The following ZNF618 variants were observed in gnomAD, a reference collection of about 807,000 sequenced individuals.
ZNF618 encodes neural precursor cell expressed, developmentally down-regulated 10.
In ZNF618, 34 loss-of-function variants were observed where a neutral mutation model predicts 103.0. The ratio of observed to expected loss-of-function variants is 0.33; its 90% CI spans 0.25 to 0.44. The LOEUF (loss-of-function observed/expected upper bound fraction) is 0.44, where lower values mean the gene tolerates loss of function less well. Among genes scored for constraint, ZNF618 ranks in the 20% least tolerant of loss-of-function variants. The pLI is 1.00. For missense variants in ZNF618, 1,059 were observed against 1,295.4 expected (o/e 0.82, Z 2.80); for synonymous variants, 551 against 542.2 (o/e 1.02, Z -0.23).
chr9:113,934,191 A>T (rs1833846939), intron 1 of ZNF618, among the ~76,000 whole-genome samples: 2 of 152,166 alleles, frequency 1.3e-5, no homozygotes, highest in South Asian at 4.1e-4. Flanking sequence ...TGTCTAGATG[A>T]TGCCACTAGG....
chr9:113,882,846 TC>T (rs1828658977), intron 1 of ZNF618, among the ~76,000 whole-genome samples: 1 of 152,144 alleles, frequency 6.6e-6, no homozygotes, highest in African/African-American at 2.4e-5. Flanking sequence ...AACCAGACCC[TC>T]CTCGAGATCA....
intron 11 of ZNF618, among the ~76,000 whole-genome samples, chr9:114,031,121 G>A (rs1843989415): frequency 6.6e-6 from 1 of 152,184 alleles, no homozygotes; most frequent in Non-Finnish European, 1.5e-5. Context: ...TGTGAAATGG[G>A]AATGACAGTG....
intron 1 of ZNF618, among the ~76,000 whole-genome samples, chr9:113,955,396 G>T (rs570334808): frequency 3.4e-4 from 52 of 151,802 alleles, no homozygotes; most frequent in Non-Finnish European, 6.6e-4. Context: ...ATTGGGATGT[G>T]CAGAATTACA....
intron 3 of ZNF618, among the ~76,000 whole-genome samples, chr9:113,997,214 C>G (rs1315335954): frequency 6.6e-6 from 1 of 151,816 alleles, no homozygotes; most frequent in Non-Finnish European, 1.5e-5. Flanking sequence ...CTCAAGTGTT[C>G]CTCTCACCTC....
chr9:113,900,234 G>C (rs562458800), intron 1 of ZNF618, among the ~76,000 whole-genome samples: 53 of 152,058 alleles, frequency 3.5e-4, no homozygotes, highest in African/African-American at 1.1e-3. Flanking sequence ...GCTAATTTTT[G>C]TATTTTTGGT....
chr9:113,992,510 CG>C (rs1263473083), intron 3 of ZNF618, among the ~76,000 whole-genome samples: 3 of 152,138 alleles, frequency 2.0e-5, no homozygotes, highest in African/African-American at 7.2e-5. Context: ...TCCTGGTCAC[CG>C]GGCATGGGGG....
rs1334005975 is a variant in ZNF618, at chr9:114,047,939, T to A, written c.1293T>A (p.Pro431=). The part of the protein sequence containing the change: ...NIASNQSRSP[P]AVVEEKWKPQ... ...CCTCCAACCAGTCCCGATCGCCACC[T>A]GCTGTTGTAGAAGAGAAGTGGAAAC... Residue 431 remains proline (P), a synonymous_variant, in exon 14 of 15, where the codon CCT becomes CCA. Coordinates refer to ENST00000374126, the MANE Select transcript of ZNF618 (RefSeq NM_001318042.2). 6.2e-7 allele frequency: 1 copy of A among 1,602,846 alleles called. No homozygotes were observed. The highest frequency in any genetic ancestry group is 8.5e-7 in the Non-Finnish European group (1 of 1,174,744).
intron 1 of ZNF618, among the ~76,000 whole-genome samples, chr9:113,889,398 A>G (rs1040503965): frequency 2.1e-4 from 31 of 149,944 alleles, no homozygotes; most frequent in African/African-American, 7.5e-4. Flanking sequence ...GGCTTCATAT[A>G]TGGCTAGACT....
intron 12 of ZNF618, among the ~76,000 whole-genome samples, chr9:114,034,267 G>C (rs1274180280): frequency 6.6e-6 from 1 of 152,190 alleles, no homozygotes; most frequent in African/African-American, 2.4e-5. Flanking sequence ...GGGCCTGAAA[G>C]GGATGGAGTG....
At chr9:114,022,578 C>T (rs944997685) in intron 10 of ZNF618, among the ~76,000 whole-genome samples, 5 of 125,538 alleles carry the variant, frequency 4.0e-5, no homozygotes, top group African/African-American at 1.5e-4. Flanking sequence ...GTCTCTTCTG[C>T]TGCGGTTTCA....
intron 9 of ZNF618, among the ~76,000 whole-genome samples, chr9:114,015,247 A>G (rs996879230): frequency 6.6e-6 from 1 of 152,236 alleles, no homozygotes; most frequent in African/African-American, 2.4e-5. Flanking sequence ...TTTAACACAT[A>G]TAACAAAATG....
At chr9:113,988,903 C>T (rs957048989) in intron 3 of ZNF618, among the ~76,000 whole-genome samples, 1 of 152,214 alleles carries the variant, frequency 6.6e-6, no homozygotes, top group African/African-American at 2.4e-5. Flanking sequence ...CCTGGGGGGT[C>T]TCCCACAGCC....
rs934412018 is a variant in ZNF618, at chr9:114,056,094, G to A, written c.*5927G>A. 1.3e-5 allele frequency: 2 copies of A among 152,430 alleles called. No homozygotes were observed. Among genetic ancestry groups the A allele is most frequent in the African/African-American group, 4.8e-5 (2 of 41,400 alleles). The allele number at this position is 152,430 out of a possible 1,614,324, so 9.4% of individuals were successfully genotyped here. On this transcript the variant is annotated 3_prime_UTR_variant, in exon 15 of 15. Transcript: ENST00000374126. ...TCTCCAGGGAGTCACATTGCATGGGGGTTGAGTTGACGGTTCTTGTGATAT... is the reference window on the plus strand; with the variant it reads ...TCTCCAGGGAGTCACATTGCATGGGAGTTGAGTTGACGGTTCTTGTGATAT...
chr9:113,949,077 G>C (rs1466312937), intron 1 of ZNF618, among the ~76,000 whole-genome samples: 1 of 152,228 alleles, frequency 6.6e-6, no homozygotes, highest in Non-Finnish European at 1.5e-5. Flanking sequence ...CATCAGTCCA[G>C]ATCTTGTAAT....
intron 1 of ZNF618, among the ~76,000 whole-genome samples, chr9:113,910,810 A>T (rs11792694): frequency 3.3e-5 from 5 of 151,550 alleles, no homozygotes; most frequent in Non-Finnish European, 4.4e-5. Flanking sequence ...CCAAGTTAGC[A>T]TGGAACTTTC....
intron 1 of ZNF618, among the ~76,000 whole-genome samples, chr9:113,950,638 A>C (rs1396192704): frequency 6.6e-6 from 1 of 152,212 alleles, no homozygotes; most frequent in Non-Finnish European, 1.5e-5. Flanking sequence ...GCACTCTGTG[A>C]ATAAGCCTTG....
intron 1 of ZNF618, among the ~76,000 whole-genome samples, chr9:113,927,505 A>G (rs1833210511): frequency 6.6e-6 from 1 of 152,206 alleles, no homozygotes; most frequent in Admixed American, 6.5e-5. Context: ...GAATCCTCTC[A>G]TTGGTTCTCA....
At chr9:113,898,398 A>T (rs1239524159) in intron 1 of ZNF618, among the ~76,000 whole-genome samples, 4 of 146,418 alleles carry the variant, frequency 2.7e-5, no homozygotes, top group African/African-American at 1.0e-4. Context: ...CCTGGTCTAT[A>T]TCCTAAAATG....
At chr9:113,913,216 G>T (rs1831721626) in intron 1 of ZNF618, among the ~76,000 whole-genome samples, 1 of 152,124 alleles carries the variant, frequency 6.6e-6, no homozygotes, top group South Asian at 2.1e-4. Context: ...CACACGCAGG[G>T]AGGTGGTATT....
Sources: gnomAD v4.1 joint callset for allele counts (sites outside exome capture counted in the v4.1 genomes callset) on GRCh38, gnomAD v4.1.1 for gene constraint, MANE v1.5 for transcripts, NCBI Gene and HGNC (gene_info 2026-07-23, HGNC 2026-07-21) for gene names.